The following IL1RAPL1 variants were observed in gnomAD, a reference collection of about 807,000 sequenced individuals.
The protein encoded by IL1RAPL1 is interleukin-1 receptor accessory protein-like 1.
A neutral mutation model predicts 48.4 loss-of-function variants in IL1RAPL1; 3 were observed. The observed-to-expected ratio is 0.06, with a 90% CI of 0.03 to 0.16. IL1RAPL1 has a LOEUF of 0.16. IL1RAPL1 is among the 10% of genes least tolerant of loss of function. IL1RAPL1 has a pLI of 1.00. For synonymous variants in IL1RAPL1, 185 were observed against 187.7 expected (o/e 0.99, Z 0.12); for missense variants, 349 against 530.6 (o/e 0.66, Z 3.36).
chrX:29,596,770 G>T (rs1923563753), intron 5 of IL1RAPL1, among the ~76,000 whole-genome samples: 1 of 111,783 alleles, frequency 8.9e-6, no homozygotes, highest in African/African-American at 3.3e-5. Flanking sequence ...GTATTATGTT[G>T]AATAGAAGTG....
chrX:28,756,927 C>T (rs749378950), intron 1 of IL1RAPL1, among the ~76,000 whole-genome samples: 1 of 111,652 alleles, frequency 9.0e-6, no homozygotes, highest in Non-Finnish European at 1.9e-5. Context: ...CATTCCACCT[C>T]TGCTTCTCAT....
chrX:29,424,711 T>A (rs144143403), intron 5 of IL1RAPL1, among the ~76,000 whole-genome samples: 1 of 111,572 alleles, frequency 9.0e-6, no homozygotes, highest in African/African-American at 3.3e-5. Context: ...TTATTAAACT[T>A]CACTGTTTTC....
chrX:29,245,018 A>G (rs1454788826), intron 2 of IL1RAPL1, among the ~76,000 whole-genome samples: 2 of 108,513 alleles, frequency 1.8e-5, no homozygotes, highest in Admixed American at 9.9e-5. Context: ...GAGTGAGAAC[A>G]TGCGGTGTTT....
intron 6 of IL1RAPL1, among the ~76,000 whole-genome samples, chrX:29,885,712 G>T (rs766595435): frequency 9.0e-6 from 1 of 111,417 alleles, no homozygotes; most frequent in Non-Finnish European, 1.9e-5. Flanking sequence ...CGAGCTACTC[G>T]GGAAGCTGAG....
At chrX:28,928,190 C>T (rs1287137070) in intron 2 of IL1RAPL1, among the ~76,000 whole-genome samples, 1 of 111,372 alleles carries the variant, frequency 9.0e-6, no homozygotes, top group Non-Finnish European at 1.9e-5. Context: ...TTATAAACTT[C>T]ATATCTAATC....
chrX:28,773,198 CTAG>C (rs1936327581), intron 1 of IL1RAPL1, among the ~76,000 whole-genome samples: 1 of 110,845 alleles, frequency 9.0e-6, no homozygotes, highest in South Asian at 3.9e-4. Flanking sequence ...TTCAACCTTC[CTAG>C]TAGTTGGGAC....
intron 2 of IL1RAPL1, among the ~76,000 whole-genome samples, chrX:28,817,882 T>C (rs976652346): frequency 8.1e-5 from 9 of 110,877 alleles, no homozygotes; most frequent in African/African-American, 2.9e-4. Context: ...TTTTCTGTTT[T>C]GATGGGGAGT....
At chrX:28,819,557 A>G (rs1050823266) in intron 2 of IL1RAPL1, among the ~76,000 whole-genome samples, 11 of 110,983 alleles carry the variant, frequency 9.9e-5, no homozygotes, top group African/African-American at 3.6e-4. Context: ...ACATATTGTT[A>G]TGAAGTCTAA....
intron 2 of IL1RAPL1, among the ~76,000 whole-genome samples, chrX:28,947,350 T>G (rs1285582227): frequency 1.8e-5 from 2 of 111,824 alleles, no homozygotes; most frequent in South Asian, 7.4e-4. Flanking sequence ...ATATACTGGT[T>G]TATTCACGTA....
chrX:28,935,852 A>C (rs1924003257), intron 2 of IL1RAPL1, among the ~76,000 whole-genome samples: 1 of 112,025 alleles, frequency 8.9e-6, no homozygotes, highest in Non-Finnish European at 1.9e-5. Context: ...TGCCAAGTAT[A>C]GACTATAGTG....
At chrX:28,895,469 G>T (rs906553763) in intron 2 of IL1RAPL1, among the ~76,000 whole-genome samples, 4 of 105,154 alleles carry the variant, frequency 3.8e-5, no homozygotes, top group African/African-American at 7.0e-5. Context: ...GGGTTAAGGT[G>T]GGGGGATACG....
chrX:29,182,623 G>T (rs1271167563), intron 2 of IL1RAPL1, among the ~76,000 whole-genome samples: 1 of 106,287 alleles, frequency 9.4e-6, no homozygotes, highest in Non-Finnish European at 1.9e-5. Flanking sequence ...GCATCCCAAA[G>T]TCACAAAAAT....
intron 2 of IL1RAPL1, among the ~76,000 whole-genome samples, chrX:29,080,949 TTTCTTTC>T (rs757602977): frequency 5.0e-4 from 15 of 30,252 alleles, no homozygotes; most frequent in African/African-American, 2.8e-3. Context: ...TCTTTCTTTC[TTTCTTTC>T]TTTCTTTCTT....
chrX:29,459,320 G>A (rs1304086301), intron 5 of IL1RAPL1, among the ~76,000 whole-genome samples: 1 of 111,814 alleles, frequency 8.9e-6, no homozygotes, highest in Non-Finnish European at 1.9e-5. Flanking sequence ...GACTCTAGAT[G>A]AGTTAGGAAT....
intron 5 of IL1RAPL1, among the ~76,000 whole-genome samples, chrX:29,646,665 T>A (rs1925334290): frequency 9.1e-6 from 1 of 109,786 alleles, no homozygotes. Context: ...ATATTATAAT[T>A]AACTGTTAAA....
intron 2 of IL1RAPL1, among the ~76,000 whole-genome samples, chrX:29,045,950 C>CTCCTCCTTCTTCTCCTCCTTCT (rs1555956648): frequency 1.4e-5 from 1 of 72,244 alleles, no homozygotes; most frequent in Admixed American, 1.8e-4. Flanking sequence ...CTTCCTCCTC[C>CTCCTCCTTCTTCTCCTCCTTCT]TCCTCCTCCT....
intron 2 of IL1RAPL1, among the ~76,000 whole-genome samples, chrX:29,086,820 TTTGGAAGA>T (rs1432828394): frequency 1.8e-5 from 2 of 112,078 alleles, no homozygotes; most frequent in Non-Finnish European, 3.8e-5. Context: ...TGCTGAAATA[TTTGGAAGA>T]TTGGCAATGA....
intron 5 of IL1RAPL1, among the ~76,000 whole-genome samples, chrX:29,609,265 A>T (rs1380454832): frequency 8.9e-6 from 1 of 112,233 alleles, no homozygotes; most frequent in Non-Finnish European, 1.9e-5. Context: ...TCCCGGATCT[A>T]AGCTATCTTA....
chrX:29,761,720 C>A (rs1928757772), intron 6 of IL1RAPL1, among the ~76,000 whole-genome samples: 1 of 100,684 alleles, frequency 9.9e-6, no homozygotes, highest in African/African-American at 3.5e-5. Flanking sequence ...AAAGTTAGTT[C>A]TTATTTCCCC....
Sources: allele counts gnomAD v4.1 joint callset (sites outside exome capture counted in the v4.1 genomes callset), GRCh38; gene constraint gnomAD v4.1.1; transcripts MANE v1.5; gene names NCBI Gene and HGNC (gene_info 2026-07-23, HGNC 2026-07-21).